Variants in KLHL12 observed in about 807,000 individuals in gnomAD.
KLHL12 encodes kelch like family member 12.
Under a neutral mutation model 60.8 loss-of-function variants are expected in KLHL12, and 17 were observed. The ratio of observed to expected loss-of-function variants is 0.28; its 90% CI spans 0.19 to 0.42. The LOEUF is 0.42. Ranked by LOEUF, KLHL12 falls within the 10% of genes least tolerant of loss-of-function variation. The pLI is 1.00. For synonymous variants in KLHL12, 220 were observed against 250.9 expected, an observed-to-expected ratio of 0.88 and a Z score of 1.16; for missense variants, 468 against 722.3, an observed-to-expected ratio of 0.65 and a Z score of 4.04.
chr1:202,924,170 T>C (rs966634818), intron 2 of KLHL12, among the ~76,000 whole-genome samples: 5 of 152,228 alleles, frequency 3.3e-5, no homozygotes, highest in African/African-American at 4.8e-5. Flanking sequence ...AATTACTAAG[T>C]AGTGTTTCTT....
chr1:202,928,350 C>T, upstream of KLHL12: 1 of 380,040 alleles, frequency 2.6e-6, no homozygotes, highest in Non-Finnish European at 5.2e-6. Context: ...CGGCAGGGAG[C>T]CTGGGAATGT....
At chr1:202,920,471 G>A (rs1660658079) in intron 2 of KLHL12, among the ~76,000 whole-genome samples, 1 of 133,014 alleles carries the variant, frequency 7.5e-6, no homozygotes, top group South Asian at 2.5e-4. Flanking sequence ...CCACCTCCTG[G>A]GTTCATGCCA....
At chr1:202,910,544 A>G (rs925347089) in intron 5 of KLHL12, among the ~76,000 whole-genome samples, 2 of 152,244 alleles carry the variant, frequency 1.3e-5, no homozygotes, top group African/African-American at 4.8e-5. Flanking sequence ...GGTCCAGGCA[A>G]CACAGGTGGT....
chr1:202,901,655 A>C (rs943040065), intron 6 of KLHL12, among the ~76,000 whole-genome samples: 10 of 151,824 alleles, frequency 6.6e-5, no homozygotes, highest in African/African-American at 2.2e-4. Context: ...CTGATTCCCA[A>C]ACTTCTTTGC....
chr1:202,896,530 C>T (rs1440122251), intron 7 of KLHL12, among the ~76,000 whole-genome samples: 2 of 152,154 alleles, frequency 1.3e-5, no homozygotes. Flanking sequence ...TTCAATTCAA[C>T]ACAATTTAAC....
rs1659685440 is a variant in KLHL12 at position 202,891,846 on chromosome 1, T to C, written c.*687A>G. On this transcript the variant is annotated 3_prime_UTR_variant, in exon 12 of 12. Coordinates refer to ENST00000367261, the MANE Select transcript of KLHL12 (RefSeq NM_021633.4). ...TCAAATAATATACCCTTCTCAGTCT[T>C]CCAGGTTATGTAATACTTCAGTGCT... The C allele has an allele frequency of 6.6e-6, 1 of 152,168 alleles. No homozygotes were observed. Among genetic ancestry groups the C allele is most frequent in the Admixed American group, 6.5e-5 (1 of 15,270 alleles). 9.4% of individuals were successfully genotyped at this position (152,168 alleles called of 1,614,324 possible).
chr1:202,896,545 A>T (rs1659839902), intron 7 of KLHL12, among the ~76,000 whole-genome samples: 1 of 152,194 alleles, frequency 6.6e-6, no homozygotes, highest in Non-Finnish European at 1.5e-5. Flanking sequence ...TTTAACATTC[A>T]GTTCAGTTTA....
Position 202,895,461 on chromosome 1 carries a change from G to T in KLHL12, c.1135+61C>A. 1 of 1,457,648 alleles carries T rather than the reference G, an allele frequency of 6.9e-7. No homozygotes were observed. Among genetic ancestry groups the T allele is most frequent in the Non-Finnish European group, 9.4e-7 (1 of 1,061,630 alleles). The allele number at this position is 1,457,648 out of a possible 1,614,324, so 90.3% of individuals were successfully genotyped here. On this transcript the variant is annotated intron_variant, in intron 8 of 11. Transcript: ENST00000367261. This position sits in a 1 kb window ranked among gnomAD's most constrained non-coding sequence, Gnocchi z 4.2. ...ATGCTCCTGCCAGACAACAGGAGAG[G>T]TTAAAAACCCTGGTCCAGCCACAGT...
At chr1:202,912,339 G>A in intron 4 of KLHL12, 1 of 791,770 alleles carries the variant, frequency 1.3e-6, no homozygotes. Flanking sequence ...CCATAACTGT[G>A]AAGTTAGGAA....
In KLHL12 at chr1:202,908,566, C is replaced by A. The variant is rs76713614; in HGVS notation, c.832+444G>T. 2.5e-3 allele frequency among the ~76,000 whole-genome samples: 386 copies of A among 152,244 alleles called. 2 individuals carry two copies. The East Asian group carries it at 0.039, about 15-fold the overall frequency. ...TGCACCAACAGTAACTGCCAAAACC[C>A]ATGTACTTTCTACCACACTGGGCTC... On this transcript the variant is annotated intron_variant, in intron 6 of 11. Transcript: ENST00000367261.
intron 9 of KLHL12, 71 bp downstream of exon 9, chr1:202,894,520 A>T (rs1659770678): frequency 1.3e-6 from 2 of 1,506,216 alleles, no homozygotes; most frequent in African/African-American, 1.4e-5. Flanking sequence ...TCATTTTGGT[A>T]AAAAGGAATC....
chr1:202,894,151 G>A (rs765401722), intron 10 of KLHL12, 33 bp downstream of exon 10: 19 of 1,241,180 alleles, frequency 1.5e-5, no homozygotes, highest in Admixed American at 4.0e-5. Context: ...TGACAGCATC[G>A]CCTATTGTCC....
intron 1 of KLHL12, 132 bp from the exon 2 acceptor site, chr1:202,925,339 T>A (rs1653481108): frequency 9.8e-7 from 1 of 1,020,834 alleles, no homozygotes; most frequent in African/African-American, 1.6e-5. Flanking sequence ...AGGGCACTCC[T>A]ATGCCTGGCA....
At chr1:202,905,741 T>C (rs1012297738) in intron 6 of KLHL12, among the ~76,000 whole-genome samples, 3 of 152,194 alleles carry the variant, frequency 2.0e-5, no homozygotes, top group Non-Finnish European at 4.4e-5. Context: ...TTGAGCATTA[T>C]GTTGGCACTC....
At position 202,892,572 on chromosome 1, in the gene KLHL12, C is replaced by T. The variant is rs755157303; in HGVS notation, c.1668G>A (p.Gln556=). The T allele has an allele frequency of 1.2e-6, 2 of 1,614,154 alleles. No individual in the cohort carries two copies. Among genetic ancestry groups the T allele is most frequent in the Admixed American group, 3.3e-5 (2 of 60,028 alleles). The change falls in exon 12 of 12, where the codon CAG becomes CAA. Residue 556 remains glutamine, a synonymous_variant. Coordinates refer to ENST00000367261, the MANE Select transcript of KLHL12 (RefSeq NM_021633.4). ...GAACACAAACACCAGCATCACAGCGCTGGGTTCCCATGGATGTCACGACTT... is the reference window on the plus strand; with the variant it reads ...GAACACAAACACCAGCATCACAGCGTTGGGTTCCCATGGATGTCACGACTT... ...SWEVVTSMGT[Q]RCDAGVCVLR...
intron 6 of KLHL12, among the ~76,000 whole-genome samples, chr1:202,903,736 C>A (rs781424433): frequency 6.8e-6 from 1 of 146,736 alleles, no homozygotes; most frequent in Non-Finnish European, 1.5e-5. Context: ...GATTCTCCTG[C>A]CTCAACCTCC....
At chr1:202,923,105 C>A (rs904589012) in intron 2 of KLHL12, among the ~76,000 whole-genome samples, 1 of 152,116 alleles carries the variant, frequency 6.6e-6, no homozygotes, top group African/African-American at 2.4e-5. Context: ...CAATTACTCT[C>A]AAAAATAAAG....
chr1:202,928,451 A>T (rs191587514), upstream of KLHL12: 1,295 of 1,261,044 alleles, frequency 1.0e-3, 5 homozygotes, highest in Admixed American at 3.7e-3. Context: ...TTAATATGCC[A>T]AGCATCTGAT....
chr1:202,918,198 T>C lies in KLHL12; in HGVS notation c.540A>G (p.Glu180=). ...GAATTTCGTCGCACTTGATTAGCTTTTCCACCTCTCCTTGACTCAGAAGAA... is the reference window on the plus strand; with the variant it reads ...GAATTTCGTCGCACTTGATTAGCTTCTCCACCTCTCCTTGACTCAGAAGAA... The part of the protein sequence containing the change: ...EFILLSQGEV[E]KLIKCDEIQV... The change falls in exon 4 of 12, where the codon GAA becomes GAG. Residue 180 remains glutamate (E), a synonymous_variant. Transcript: ENST00000367261. 1 of 1,614,108 alleles carries C rather than the reference T, an allele frequency of 6.2e-7. No individual in the cohort carries two copies. The highest frequency in any genetic ancestry group is 1.1e-5 in the South Asian group (1 of 91,080).
Sources: allele counts gnomAD v4.1 joint callset (sites outside exome capture counted in the v4.1 genomes callset), GRCh38; gene constraint gnomAD v4.1.1; non-coding constraint Gnocchi (gnomAD v3.1); transcripts MANE v1.5; gene names NCBI Gene and HGNC (gene_info 2026-07-23, HGNC 2026-07-21).